The following PTPRD variants were observed in gnomAD, a reference collection of about 807,000 sequenced individuals.
The protein encoded by PTPRD is protein tyrosine phosphatase receptor type D.
PTPRD carries 34 observed loss-of-function variants against 214.5 expected under a neutral mutation model. The ratio of observed to expected loss-of-function variants is 0.16; its 90% CI spans 0.12 to 0.21. The LOEUF is 0.21. PTPRD is among the 10% of genes least tolerant of loss of function. The pLI is 1.00. For missense variants in PTPRD, 2,545 were observed against 2,398.7 expected (o/e 1.06, Z -1.27); for synonymous variants, 1,128 against 845.7 (o/e 1.33, Z -5.79).
intron 35 of PTPRD, among the ~76,000 whole-genome samples, chr9:8,415,064 T>G (rs2093831619): frequency 6.6e-6 from 1 of 151,144 alleles, no homozygotes; most frequent in Non-Finnish European, 1.5e-5. Flanking sequence ...AAAGAGAAAT[T>G]TCTGCAGTGC....
intron 10 of PTPRD, among the ~76,000 whole-genome samples, chr9:9,123,409 A>C (rs536558761): frequency 6.6e-6 from 1 of 152,358 alleles, no homozygotes; most frequent in South Asian, 2.1e-4. Context: ...CAGTACAATA[A>C]GTCGCATATT....
intron 8 of PTPRD, among the ~76,000 whole-genome samples, chr9:9,528,586 A>G (rs148581809): frequency 2.6e-4 from 39 of 152,330 alleles, no homozygotes; most frequent in East Asian, 1.9e-3. Flanking sequence ...AAGTTGCTGA[A>G]AACTATAAAC....
chr9:10,257,376 C>G (rs1006353789), intron 3 of PTPRD, among the ~76,000 whole-genome samples: 1 of 152,108 alleles, frequency 6.6e-6, no homozygotes, highest in Non-Finnish European at 1.5e-5. Flanking sequence ...GAGAAAGGCT[C>G]CCAGGGGCTA....
intron 3 of PTPRD, among the ~76,000 whole-genome samples, chr9:10,240,003 G>A (rs921162527): frequency 6.6e-6 from 1 of 151,846 alleles, no homozygotes; most frequent in African/African-American, 2.4e-5. Context: ...CATTCCAGAG[G>A]GTCCTACCCC....
chr9:10,217,474 T>C (rs1213410127), intron 3 of PTPRD, among the ~76,000 whole-genome samples: 5 of 151,932 alleles, frequency 3.3e-5, no homozygotes, highest in Non-Finnish European at 5.9e-5. Context: ...TATATTTCTG[T>C]TAACCTTTTC....
At chr9:8,543,235 C>G (rs527880341) in intron 14 of PTPRD, among the ~76,000 whole-genome samples, 1 of 152,272 alleles carries the variant, frequency 6.6e-6, no homozygotes, top group African/African-American at 2.4e-5. Flanking sequence ...TTGTAATAGA[C>G]TGACACATTG....
chr9:9,582,687 T>C (rs972074886), intron 7 of PTPRD, among the ~76,000 whole-genome samples: 6 of 152,118 alleles, frequency 3.9e-5, no homozygotes, highest in African/African-American at 1.4e-4. Context: ...TATTAGTTTA[T>C]CTCTTAAATA....
chr9:9,604,954 T>C (rs1320030244), intron 7 of PTPRD, among the ~76,000 whole-genome samples: 1 of 152,056 alleles, frequency 6.6e-6, no homozygotes, highest in Non-Finnish European at 1.5e-5. Context: ...TGGTCCCTGA[T>C]ATTATTTGTG....
At chr9:9,756,008 G>A (rs973673033) in intron 6 of PTPRD, among the ~76,000 whole-genome samples, 4 of 151,876 alleles carry the variant, frequency 2.6e-5, no homozygotes, top group African/African-American at 7.2e-5. Flanking sequence ...GCTGCTGTCA[G>A]CTGTTTTATC....
intron 10 of PTPRD, among the ~76,000 whole-genome samples, chr9:9,025,228 G>C (rs1220800113): frequency 1.3e-5 from 2 of 151,778 alleles, no homozygotes; most frequent in Non-Finnish European, 2.9e-5. Flanking sequence ...AGTTTTTCTT[G>C]ACATTTTTTC....
At chr9:9,003,228 G>C (rs2099430602) in intron 11 of PTPRD, among the ~76,000 whole-genome samples, 1 of 151,992 alleles carries the variant, frequency 6.6e-6, no homozygotes, top group South Asian at 2.1e-4. Flanking sequence ...ACCCTAGTAA[G>C]ACAGTGTGGT....
At chr9:10,013,229 T>A (rs543272938) in intron 4 of PTPRD, among the ~76,000 whole-genome samples, 1 of 151,976 alleles carries the variant, frequency 6.6e-6, no homozygotes, top group Non-Finnish European at 1.5e-5. Flanking sequence ...AGGCCACAGA[T>A]GGACACTGGA....
chr9:8,678,275 G>A (rs1334186727), intron 12 of PTPRD, among the ~76,000 whole-genome samples: 1 of 152,126 alleles, frequency 6.6e-6, no homozygotes, highest in Middle Eastern at 3.2e-3. Flanking sequence ...GGGAGTCCTA[G>A]ATTAAATGTT....
In PTPRD at chr9:9,127,299, A is replaced by G. The variant is rs370435309; in HGVS notation, c.-143+56005T>C. Among the ~76,000 whole-genome samples the G allele has an allele frequency of 7.9e-5, 12 of 152,360 alleles. No homozygotes were observed. The South Asian group carries it at 2.1e-3, about 26-fold the overall frequency. On this transcript the variant is annotated intron_variant, in intron 10 of 45. Transcript: ENST00000381196. ...ATTGATTGCTTTTCTCATCAATGTT[A>G]TAATGAAACAACGTTGAACAAAATG... is the stretch of plus-strand genomic sequence containing the variant.
intron 7 of PTPRD, among the ~76,000 whole-genome samples, chr9:9,720,186 G>A (rs531413337): frequency 6.6e-6 from 1 of 152,184 alleles, no homozygotes; most frequent in South Asian, 2.1e-4. Flanking sequence ...CGTTTACTAG[G>A]TATAAAAAAG....
intron 14 of PTPRD, among the ~76,000 whole-genome samples, chr9:8,540,679 T>G (rs2078176804): frequency 6.6e-6 from 1 of 152,154 alleles, no homozygotes; most frequent in South Asian, 2.1e-4. Context: ...TAAGCCAAAC[T>G]TTCAAAAATT....
chr9:8,553,628 A>G (rs891818690), intron 14 of PTPRD, among the ~76,000 whole-genome samples: 2 of 152,228 alleles, frequency 1.3e-5, no homozygotes, highest in Non-Finnish European at 2.9e-5. Flanking sequence ...TGACAGGTAC[A>G]TGACTCAGCA....
At chr9:8,367,560 A>G (rs772933879) in intron 39 of PTPRD, among the ~76,000 whole-genome samples, 2 of 152,206 alleles carry the variant, frequency 1.3e-5, no homozygotes, top group Non-Finnish European at 2.9e-5. Flanking sequence ...TAATAAGCAA[A>G]GCATTTATTT....
chr9:9,983,138 G>T (rs897833728), intron 4 of PTPRD, among the ~76,000 whole-genome samples: 6 of 151,928 alleles, frequency 3.9e-5, no homozygotes, highest in African/African-American at 1.5e-4. Context: ...CAAATCAAAT[G>T]TACCGATGCT....
Sources: allele counts gnomAD v4.1 joint callset (sites outside exome capture counted in the v4.1 genomes callset), GRCh38; gene constraint gnomAD v4.1.1; transcripts MANE v1.5; gene names NCBI Gene and HGNC (gene_info 2026-07-23, HGNC 2026-07-21).